Variants in SLC12A2 observed in about 807,000 individuals in gnomAD.
SLC12A2 encodes the protein Na-K-2Cl cotransporter 1.
A neutral mutation model predicts 136.3 loss-of-function variants in SLC12A2; 67 were observed. The observed-to-expected ratio is 0.49, with a 90% confidence interval of 0.40 to 0.60. The LOEUF (loss-of-function observed/expected upper bound fraction) is 0.60. Among genes scored for constraint, SLC12A2 ranks in the 20% least tolerant of loss-of-function variants. The probability of loss-of-function intolerance (pLI) is 0.00; values close to 1 mark genes in which losing one functional copy is unlikely to be tolerated. For synonymous variants in SLC12A2, 619 were observed against 562.9 expected (o/e 1.10, Z -1.41); for missense variants, 1,322 against 1,534.7 (o/e 0.86, Z 2.32).
chr5:128,164,278 CTG>C (rs1763133602), intron 17 of SLC12A2, among the ~76,000 whole-genome samples: 2 of 152,146 alleles, frequency 1.3e-5, no homozygotes, highest in Admixed American at 6.5e-5. Context: ...TAGAAAGTCT[CTG>C]TGGTGTAAAT....
In SLC12A2 at chr5:128,085,069, T is replaced by G. The variant is rs565489210; in HGVS notation, c.756+359T>G. ...GAGGAGAATGTGCAGTGAGGATCTC[T>G]CGAGAGAGGTTGGAGAGCACCTACC... On this transcript the variant is annotated intron_variant, in intron 1 of 26. Transcript: ENST00000262461. Among the ~76,000 whole-genome samples, 7 of 151,532 alleles carry G rather than the reference T, an allele frequency of 4.6e-5. No individual in the cohort carries two copies. In the East Asian group the frequency reaches 9.7e-4, roughly 21 times the overall value.
chr5:128,138,358 A>G (rs982913540), intron 7 of SLC12A2, among the ~76,000 whole-genome samples: 43 of 152,156 alleles, frequency 2.8e-4, no homozygotes, highest in African/African-American at 1.0e-3. Flanking sequence ...CTTGAAACAT[A>G]ATTAGCGAGG....
intron 22 of SLC12A2, among the ~76,000 whole-genome samples, chr5:128,179,588 C>A (rs1048072231): frequency 2.6e-5 from 4 of 152,096 alleles, no homozygotes; most frequent in African/African-American, 7.2e-5. Flanking sequence ...TTACTTATGG[C>A]AGAAGGCAAA....
chr5:128,176,830 AC>A (rs1238841882), intron 20 of SLC12A2, among the ~76,000 whole-genome samples: 2 of 152,100 alleles, frequency 1.3e-5, no homozygotes, highest in Non-Finnish European at 2.9e-5. Context: ...GAAAGTGTAA[AC>A]ATTTTAAAAA....
intron 10 of SLC12A2, among the ~76,000 whole-genome samples, chr5:128,145,484 C>T (rs1225687587): frequency 6.6e-6 from 1 of 151,994 alleles, no homozygotes; most frequent in Non-Finnish European, 1.5e-5. Context: ...CTAAATAATC[C>T]AGCATTAATT....
In SLC12A2 at chr5:128,114,351, C is replaced by T. The variant is rs1761268773; in HGVS notation, c.952+64C>T. The T allele has an allele frequency of 6.5e-6, 8 of 1,222,936 alleles. No individual in the cohort carries two copies. In the South Asian group the frequency reaches 7.6e-5, roughly 12 times the overall value. 75.8% of individuals were successfully genotyped at this position (1,222,936 alleles called of 1,614,324 possible). On this transcript the variant is annotated intron_variant, in intron 3 of 26. Coordinates refer to ENST00000262461, the MANE Select transcript of SLC12A2 (RefSeq NM_001046.3). ...AAAATAACTGTGTCTGAGCTCTTAA[C>T]CTCATGAAACTCAAGAAATTAGAGT...
At position 128,141,976 on chromosome 5, in the gene SLC12A2, T is replaced by C. The variant is rs1423228393; in HGVS notation, c.1768T>C (p.Phe590Leu). 1 of 1,613,464 alleles carries C rather than the reference T, an allele frequency of 6.2e-7. No homozygotes were observed. Among genetic ancestry groups the C allele is most frequent in the Non-Finnish European group, 8.5e-7 (1 of 1,179,630 alleles). Residue 590 changes from phenylalanine to leucine, a missense_variant, in exon 10 of 27, where the codon TTC becomes CTC. Phe to Leu is a conservative substitution (Grantham distance 22). Around this residue, in one of 8 missense-constraint regions of SLC12A2, gnomAD observed 294 missense variants for 436.6 expected, o/e 0.67. Coordinates refer to ENST00000262461, the MANE Select transcript of SLC12A2 (RefSeq NM_001046.3). ...SPCSYGLMNN[F>L]QVMSMVSGFT... ...TTGTTCCTATGGCCTAATGAACAAC[T>C]TCCAGGTGAGCATTGACTTTGTAAT...
chr5:128,089,061 G>T (rs926293451), intron 1 of SLC12A2, among the ~76,000 whole-genome samples: 2 of 151,892 alleles, frequency 1.3e-5, no homozygotes, highest in Non-Finnish European at 2.9e-5. Context: ...CCAGCTATTT[G>T]GGTGGCTGAG....
intron 1 of SLC12A2, among the ~76,000 whole-genome samples, chr5:128,111,474 AATAT>A (rs1447760553): frequency 6.6e-6 from 1 of 152,164 alleles, no homozygotes; most frequent in Non-Finnish European, 1.5e-5. Context: ...GTTAAAAGAA[AATAT>A]ATATAGGCTG....
intron 4 of SLC12A2, among the ~76,000 whole-genome samples, chr5:128,123,569 A>G (rs1297055289): frequency 2.0e-5 from 3 of 152,202 alleles, no homozygotes; most frequent in Non-Finnish European, 4.4e-5. Context: ...TTGTGCTTCC[A>G]TAATGGCTAA....
chr5:128,141,926 A>G lies in SLC12A2; in HGVS notation c.1718A>G (p.Asp573Gly). The G allele has an allele frequency of 6.2e-7, 1 of 1,613,968 alleles. No individual in the cohort carries two copies. Residue 573 changes from aspartate (D) to glycine (G), a missense_variant, in exon 10 of 27, where the codon GAT (aspartate) becomes GGT (glycine). Around this residue, in one of 8 missense-constraint regions of SLC12A2, gnomAD observed 294 missense variants for 436.6 expected, o/e 0.67. Transcript: ENST00000262461. The part of the protein sequence containing the change: ...CTSAACKLNF[D>G]FSSCESSPCS... ...TCTGCAGCCTGCAAATTAAACTTTGATTTTTCATCTTGTGAAAGCAGTCCT... is the reference window on the plus strand; with the variant it reads ...TCTGCAGCCTGCAAATTAAACTTTGGTTTTTCATCTTGTGAAAGCAGTCCT...
intron 1 of SLC12A2, among the ~76,000 whole-genome samples, chr5:128,111,257 G>T (rs1226120333): frequency 2.6e-5 from 4 of 151,862 alleles, no homozygotes; most frequent in African/African-American, 9.7e-5. Flanking sequence ...AAAAATCAAA[G>T]AATTAACAGT....
At chr5:128,085,685 T>G (rs1760077204) in intron 1 of SLC12A2, among the ~76,000 whole-genome samples, 2 of 152,208 alleles carry the variant, frequency 1.3e-5, no homozygotes, top group South Asian at 4.1e-4. Context: ...CGCAAGAGGA[T>G]GGTACCACAT....
intron 15 of SLC12A2, among the ~76,000 whole-genome samples, chr5:128,153,282 C>G (rs998698341): frequency 6.6e-6 from 1 of 152,116 alleles, no homozygotes; most frequent in Non-Finnish European, 1.5e-5. Context: ...TGGCTGGGCA[C>G]GGTGGCTCAC....
chr5:128,182,967 C>T, intron 24 of SLC12A2, 26 bp downstream of exon 24: 2 of 1,440,696 alleles, frequency 1.4e-6, no homozygotes, highest in Non-Finnish European at 1.9e-6. Flanking sequence ...AATTTCTGAT[C>T]CCTTTATAGA....
intron 5 of SLC12A2, among the ~76,000 whole-genome samples, chr5:128,133,579 A>G (rs188938269): frequency 1.4e-4 from 21 of 152,138 alleles, no homozygotes; most frequent in Admixed American, 1.0e-3. Flanking sequence ...GCCTTTTATT[A>G]CCTTATTTGA....
chr5:128,124,141 G>T (rs1761689923), intron 4 of SLC12A2, among the ~76,000 whole-genome samples: 1 of 152,140 alleles, frequency 6.6e-6, no homozygotes, highest in African/African-American at 2.4e-5. Flanking sequence ...AAGCCCTTGT[G>T]ACTCTTAACA....
At chr5:128,171,292 G>A (rs1465309666) in intron 18 of SLC12A2, among the ~76,000 whole-genome samples, 1 of 152,030 alleles carries the variant, frequency 6.6e-6, no homozygotes, top group Non-Finnish European at 1.5e-5. Context: ...TTGTGTGTGT[G>A]TCTTCATGTA....
chr5:128,095,969 C>T (rs1760522692), intron 1 of SLC12A2, among the ~76,000 whole-genome samples: 1 of 152,262 alleles, frequency 6.6e-6, no homozygotes, highest in East Asian at 1.9e-4. Flanking sequence ...CAAGTACTAT[C>T]TATCAAAGTT....
Sources: allele counts gnomAD v4.1 joint callset (sites outside exome capture counted in the v4.1 genomes callset), GRCh38; gene constraint gnomAD v4.1.1; regional missense constraint gnomAD v4.1.1; transcripts MANE v1.5; gene names NCBI Gene and HGNC (gene_info 2026-07-23, HGNC 2026-07-21).